HIPK2: variants seen among roughly 807,000 people sequenced by gnomAD.
HIPK2 encodes the protein homeodomain interacting protein kinase 2.
In HIPK2, 27 loss-of-function variants were observed where a neutral mutation model predicts 113.7. The ratio of observed to expected loss-of-function variants is 0.24; its 90% CI spans 0.17 to 0.33. HIPK2 has a LOEUF of 0.33. Among genes scored for constraint, HIPK2 ranks in the 10% least tolerant of loss-of-function variants. The pLI, the probability that HIPK2 is intolerant of heterozygous loss-of-function variation, is 1.00. For missense variants in HIPK2, 1,257 were observed against 1,588.0 expected (o/e 0.79, Z 3.54); for synonymous variants, 631 against 642.2 (o/e 0.98, Z 0.26).
intron 1 of HIPK2, among the ~76,000 whole-genome samples, chr7:139,739,867 C>T (rs1222650112): frequency 6.6e-6 from 1 of 152,336 alleles, no homozygotes; most frequent in African/African-American, 2.4e-5. Flanking sequence ...AAGGTTTACT[C>T]ATGTGGTAGC....
intron 2 of HIPK2, among the ~76,000 whole-genome samples, chr7:139,713,773 T>C (rs1795137901): frequency 6.6e-6 from 1 of 152,120 alleles, no homozygotes; most frequent in Non-Finnish European, 1.5e-5. Context: ...TTTACCAACC[T>C]AAATACGAAG....
chr7:139,717,157 A>G, intron 1 of HIPK2, 142 bp from the exon 2 acceptor site: 1 of 1,141,700 alleles, frequency 8.8e-7, no homozygotes, highest in Non-Finnish European at 1.2e-6. Flanking sequence ...GAAAAAGTGA[A>G]TCTCTTCCAC....
intron 5 of HIPK2, among the ~76,000 whole-genome samples, chr7:139,628,126 A>G (rs1800492552): frequency 6.6e-6 from 1 of 152,214 alleles, no homozygotes; most frequent in Non-Finnish European, 1.5e-5. Context: ...CAAGTCAAAG[A>G]ACGCTGAGGA....
At chr7:139,722,867 C>CTT (rs879295646) in intron 1 of HIPK2, among the ~76,000 whole-genome samples, 3 of 144,304 alleles carry the variant, frequency 2.1e-5, no homozygotes, top group African/African-American at 7.6e-5. Context: ...GATCTAAATT[C>CTT]TTTTTTTTTT....
intron 2 of HIPK2, among the ~76,000 whole-genome samples, chr7:139,663,712 G>A (rs1801947788): frequency 6.6e-6 from 1 of 152,122 alleles, no homozygotes; most frequent in Non-Finnish European, 1.5e-5. Flanking sequence ...CAAACAAAAT[G>A]TAAAAGTTAA....
At chr7:139,625,251 A>G (rs1585293691) in intron 6 of HIPK2, among the ~76,000 whole-genome samples, 1 of 151,478 alleles carries the variant, frequency 6.6e-6, no homozygotes, top group African/African-American at 2.4e-5. Flanking sequence ...CTATTTCTTC[A>G]CCTCTCACTT....
Position 139,569,482 on chromosome 7 carries a change from T to C in HIPK2, c.*3445A>G, listed in dbSNP as rs530907205. 6.6e-6 allele frequency: 1 copy of C among 152,260 alleles called. No homozygotes were observed. The highest frequency in any genetic ancestry group is 6.5e-5 in the Admixed American group (1 of 15,296). The allele number at this position is 152,260 out of a possible 1,614,324, so 9.4% of individuals were successfully genotyped here. ...AGATTTCAGAAGCACAGGAGAGCTC[T>C]GAGGATGTGGGAGAGAAGCTGGCTA... On this transcript the variant is annotated 3_prime_UTR_variant, in exon 15 of 15. Coordinates refer to ENST00000406875, the MANE Select transcript of HIPK2 (RefSeq NM_022740.5).
chr7:139,743,829 AG>A (rs1796147542), intron 1 of HIPK2, among the ~76,000 whole-genome samples: 2 of 152,228 alleles, frequency 1.3e-5, no homozygotes, highest in Admixed American at 1.3e-4. Context: ...AAAAGACTAC[AG>A]GGTTCTGCGA....
At chr7:139,723,865 C>T (rs540342168) in intron 1 of HIPK2, among the ~76,000 whole-genome samples, 4 of 152,274 alleles carry the variant, frequency 2.6e-5, no homozygotes, top group Admixed American at 6.5e-5. Flanking sequence ...AACAGATTAC[C>T]GCTCAGAATC....
intron 2 of HIPK2, among the ~76,000 whole-genome samples, chr7:139,685,637 A>G (rs1794194761): frequency 1.3e-5 from 2 of 152,206 alleles, no homozygotes; most frequent in African/African-American, 4.8e-5. Flanking sequence ...GTGCTCATTT[A>G]CCATTCTGAA....
chr7:139,684,008 G>A (rs1041728773), intron 2 of HIPK2, among the ~76,000 whole-genome samples: 2 of 151,454 alleles, frequency 1.3e-5, no homozygotes, highest in South Asian at 4.2e-4. Flanking sequence ...GCATCGAGCC[G>A]GTCTATCAGT....
At chr7:139,596,160 A>G (rs1025799367) in intron 12 of HIPK2, among the ~76,000 whole-genome samples, 2 of 152,234 alleles carry the variant, frequency 1.3e-5, no homozygotes, top group Non-Finnish European at 2.9e-5. Context: ...TAAATATAAT[A>G]AAGATTTCTT....
chr7:139,568,190 G>A lies in HIPK2; in HGVS notation c.*4737C>T, dbSNP rs1159362923. On this transcript the variant is annotated 3_prime_UTR_variant, in exon 15 of 15. Transcript: ENST00000406875. Reference sequence around the variant, plus strand: ...CGTCTCACACGTTGGTGTCTGGGCGGGCTGAGTCTTCTAGGTTGAAGAGGA... The same window carrying A: ...CGTCTCACACGTTGGTGTCTGGGCGAGCTGAGTCTTCTAGGTTGAAGAGGA... 6.6e-6 allele frequency: 1 copy of A among 152,240 alleles called. No individual in the cohort carries two copies. Among genetic ancestry groups the A allele is most frequent in the African/African-American group, 2.4e-5 (1 of 41,436 alleles). The allele number at this position is 152,240 out of a possible 1,614,324, so 9.4% of individuals were successfully genotyped here.
intron 2 of HIPK2, among the ~76,000 whole-genome samples, chr7:139,649,949 C>T (rs1369094476): frequency 3.3e-5 from 5 of 152,066 alleles, no homozygotes; most frequent in Admixed American, 3.3e-4. Flanking sequence ...TTTGGTACAC[C>T]TCAGTCTATC....
rs758095115 is a variant in HIPK2 at position 139,604,203 on chromosome 7, G to C, written c.2133C>G (p.Thr711=). The change falls in exon 10 of 15, where the codon ACC becomes ACG. Residue 711 remains threonine (T), a synonymous_variant. Coordinates refer to ENST00000406875, the MANE Select transcript of HIPK2 (RefSeq NM_022740.5). ...ATGCTGGGGGAAGCAGGATCTGCTG[G>C]GTCCCACTTGGCCAAGCCTGCTGTA... The part of the protein sequence containing the change: ...LLAQQAWPSG[T]QQILLPPAWQ... 3 of 1,612,700 alleles carry C rather than the reference G, an allele frequency of 1.9e-6. No homozygotes were observed. In the South Asian group the frequency reaches 3.3e-5, roughly 18 times the overall value.
chr7:139,581,967 A>T (rs924699735), intron 13 of HIPK2, among the ~76,000 whole-genome samples: 1 of 152,230 alleles, frequency 6.6e-6, no homozygotes, highest in Admixed American at 6.5e-5. Context: ...TGTGCTGCAT[A>T]TACCCTTAAA....
At chr7:139,679,133 C>T (rs1802610037) in intron 2 of HIPK2, among the ~76,000 whole-genome samples, 1 of 152,188 alleles carries the variant, frequency 6.6e-6, no homozygotes, top group South Asian at 2.1e-4. Context: ...TTCCTCTCTT[C>T]CTACTTGAAT....
intron 2 of HIPK2, among the ~76,000 whole-genome samples, chr7:139,641,620 G>T (rs1801026038): frequency 1.3e-5 from 2 of 152,204 alleles, no homozygotes; most frequent in South Asian, 4.1e-4. Context: ...AGGTTTGGGA[G>T]GGTGGTCCCG....
chr7:139,577,256 C>T (rs1307950791), intron 13 of HIPK2, among the ~76,000 whole-genome samples: 2 of 144,026 alleles, frequency 1.4e-5, no homozygotes, highest in African/African-American at 5.1e-5. Context: ...TCAAGTGATT[C>T]TCCTGCCTCA....
Sources: gnomAD v4.1 joint callset for allele counts (sites outside exome capture counted in the v4.1 genomes callset) on GRCh38, gnomAD v4.1.1 for gene constraint, MANE v1.5 for transcripts, NCBI Gene and HGNC (gene_info 2026-07-23, HGNC 2026-07-21) for gene names.